The following SPEF2 variants were observed in gnomAD, a reference collection of about 807,000 sequenced individuals.
SPEF2 encodes the protein sperm flagellar and cilia associated 2, also known as sperm flagella and cilia-associated protein 2.
In SPEF2, 187 loss-of-function variants were observed where a neutral mutation model predicts 224.6. The ratio of observed to expected loss-of-function variants is 0.83; its 90% CI spans 0.74 to 0.94. The LOEUF is 0.94. Ranked by LOEUF, SPEF2 falls within the 40% of genes least tolerant of loss-of-function variation. The pLI is 0.00. For synonymous variants in SPEF2, 715 were observed against 707.3 expected, an observed-to-expected ratio of 1.01 and a Z score of -0.17; for missense variants, 2,170 against 2,135.6, an observed-to-expected ratio of 1.02 and a Z score of -0.32.
intron 34 of SPEF2, among the ~76,000 whole-genome samples, chr5:35,804,490 C>A (rs1050261370): frequency 6.6e-6 from 1 of 152,170 alleles, no homozygotes; most frequent in Non-Finnish European, 1.5e-5. Context: ...GAGAGAACCA[C>A]CTCCTCTTGC....
intron 20 of SPEF2, among the ~76,000 whole-genome samples, chr5:35,717,525 G>A (rs1018088114): frequency 1.3e-5 from 2 of 152,162 alleles, no homozygotes; most frequent in Non-Finnish European, 2.9e-5. Context: ...CTAAAGACGG[G>A]GTTCTTGTCC....
intron 21 of SPEF2, among the ~76,000 whole-genome samples, chr5:35,734,933 A>G (rs1156745696): frequency 6.6e-6 from 1 of 151,894 alleles, no homozygotes; most frequent in Non-Finnish European, 1.5e-5. Context: ...GATGGTCTCA[A>G]CTTCCTGACC....
At chr5:35,747,591 G>C (rs539369595) in intron 23 of SPEF2, among the ~76,000 whole-genome samples, 1 of 152,054 alleles carries the variant, frequency 6.6e-6, no homozygotes, top group Non-Finnish European at 1.5e-5. Context: ...GACAAAGAGG[G>C]ACATTATATA....
chr5:35,704,415 C>A, intron 16 of SPEF2, 139 bp from the exon 17 acceptor site: 1 of 548,724 alleles, frequency 1.8e-6, no homozygotes, highest in Non-Finnish European at 3.2e-6. Context: ...ACTCTTTCAA[C>A]ATCTTTTAAA....
At chr5:35,719,002 T>C (rs1743130529) in intron 20 of SPEF2, among the ~76,000 whole-genome samples, 1 of 152,206 alleles carries the variant, frequency 6.6e-6, no homozygotes, top group African/African-American at 2.4e-5. Flanking sequence ...TAGTTATGCT[T>C]ACTAAGATTT....
At chr5:35,782,386 A>G (rs539021378) in intron 30 of SPEF2, among the ~76,000 whole-genome samples, 1 of 152,338 alleles carries the variant, frequency 6.6e-6, no homozygotes, top group Non-Finnish European at 1.5e-5. Context: ...ATATATGCCC[A>G]TGCAATCCAT....
chr5:35,618,096 C>T (rs759011101), intron 1 of SPEF2, 41 bp downstream of exon 1: 1 of 1,556,646 alleles, frequency 6.4e-7, no homozygotes, highest in Non-Finnish European at 8.7e-7. Flanking sequence ...GAGGGGCTAG[C>T]GGGGCGCAGA....
chr5:35,691,187 G>A lies in SPEF2; in HGVS notation c.1675G>A (p.Ala559Thr), dbSNP rs1241923442. The change falls in exon 11 of 37, where the codon GCT becomes ACT. Residue 559 changes from alanine to threonine, a missense_variant. Transcript: ENST00000356031. ...AACAACACCTGAATTACCTTCATTT[G>A]CTGTTAAAGGATGCTTATTGGGGAA... ...ESTTPELPSF[A>T]VKGCLLGKTL... is the part of the protein sequence containing the mutation. 3.1e-6 allele frequency: 5 copies of A among 1,613,992 alleles called. No homozygotes were observed. The highest frequency in any genetic ancestry group is 4.2e-6 in the Non-Finnish European group (5 of 1,179,980).
At chr5:35,672,955 T>G (rs1379586753) in intron 10 of SPEF2, among the ~76,000 whole-genome samples, 1 of 152,216 alleles carries the variant, frequency 6.6e-6, no homozygotes, top group African/African-American at 2.4e-5. Flanking sequence ...CATATGTAGC[T>G]GCCAAAAATT....
intron 33 of SPEF2, among the ~76,000 whole-genome samples, chr5:35,799,464 C>G (rs1313418572): frequency 6.6e-6 from 1 of 152,176 alleles, no homozygotes; most frequent in Non-Finnish European, 1.5e-5. Context: ...CAACTAGGGT[C>G]AGTAGCTTGA....
At position 35,755,371 on chromosome 5, in the gene SPEF2, G is replaced by A. The variant is rs1291304972; in HGVS notation, c.3468+1610G>A. On this transcript the variant is annotated intron_variant, in intron 24 of 36. Coordinates refer to ENST00000356031, the MANE Select transcript of SPEF2 (RefSeq NM_024867.4). Reference sequence around the variant, plus strand: ...AAATAGCTGAAAACCAATAATGAAGGCATAGGGAACAGATAATTTTTATGA... The same window carrying A: ...AAATAGCTGAAAACCAATAATGAAGACATAGGGAACAGATAATTTTTATGA... Among the ~76,000 whole-genome samples, 3 of 152,090 alleles carry A rather than the reference G, an allele frequency of 2.0e-5. No homozygotes were observed. In the East Asian group the frequency reaches 5.8e-4, roughly 29 times the overall value.
At chr5:35,618,256 C>T (rs1188918428) in intron 1 of SPEF2, among the ~76,000 whole-genome samples, 1 of 152,136 alleles carries the variant, frequency 6.6e-6, no homozygotes, top group Non-Finnish European at 1.5e-5. Flanking sequence ...CTACAGCTCA[C>T]CCCAGCCAGG....
chr5:35,811,796 G>A (rs144215474), intron 36 of SPEF2, among the ~76,000 whole-genome samples: 1 of 129,196 alleles, frequency 7.7e-6, no homozygotes, highest in Non-Finnish European at 1.5e-5. Context: ...TTGAGACAGA[G>A]TCTCGCTCTG....
At chr5:35,625,973 A>T (rs1332495141) in intron 1 of SPEF2, among the ~76,000 whole-genome samples, 1 of 152,212 alleles carries the variant, frequency 6.6e-6, no homozygotes, top group Non-Finnish European at 1.5e-5. Context: ...TATAAGATCA[A>T]GCCAATCTTC....
chr5:35,729,144 G>A (rs1055934946), intron 21 of SPEF2, among the ~76,000 whole-genome samples: 4 of 151,856 alleles, frequency 2.6e-5, no homozygotes, highest in South Asian at 2.1e-4. Flanking sequence ...TCCAGCATTC[G>A]GGATTCTATA....
chr5:35,745,062 G>A (rs1748266048), intron 23 of SPEF2, among the ~76,000 whole-genome samples: 1 of 152,210 alleles, frequency 6.6e-6, no homozygotes, highest in South Asian at 2.1e-4. Context: ...GTTTCTAACT[G>A]ATATATTCTA....
At chr5:35,810,801 G>C (rs536544090) in intron 36 of SPEF2, among the ~76,000 whole-genome samples, 2 of 152,284 alleles carry the variant, frequency 1.3e-5, no homozygotes, top group African/African-American at 4.8e-5. Flanking sequence ...TGTAGCACCT[G>C]GCATTCTCAT....
chr5:35,663,761 C>G lies in SPEF2; in HGVS notation c.1168-3311C>G, dbSNP rs140959211. Among the ~76,000 whole-genome samples, 3 of 152,204 alleles carry G rather than the reference C, an allele frequency of 2.0e-5. No homozygotes were observed. In the East Asian group the frequency reaches 5.8e-4, roughly 29 times the overall value. On this transcript the variant is annotated intron_variant, in intron 8 of 36. Coordinates refer to ENST00000356031, the MANE Select transcript of SPEF2 (RefSeq NM_024867.4). Reference sequence around the variant, plus strand: ...TCAACCCTAAGTTTTACTCTTTCATCCTACCTCTGCACACAGAGAATGTAC... The same window carrying G: ...TCAACCCTAAGTTTTACTCTTTCATGCTACCTCTGCACACAGAGAATGTAC...
At chr5:35,793,113 A>G (rs750406357) in intron 31 of SPEF2, 46 bp from the exon 32 acceptor site, 4 of 1,550,142 alleles carry the variant, frequency 2.6e-6, no homozygotes, top group African/African-American at 1.4e-5. Flanking sequence ...GAGCATCAAG[A>G]TAGATTCATG....
Sources: gnomAD v4.1 joint callset for allele counts (sites outside exome capture counted in the v4.1 genomes callset) on GRCh38, gnomAD v4.1.1 for gene constraint, MANE v1.5 for transcripts, NCBI Gene and HGNC (gene_info 2026-07-23, HGNC 2026-07-21) for gene names.